Variants in ME3 observed in about 807,000 individuals in gnomAD.
ME3 encodes malic enzyme 3.
In ME3, 48 loss-of-function variants were observed where a neutral mutation model predicts 68.9. The ratio of observed to expected loss-of-function variants is 0.70; its 90% confidence interval spans 0.55 to 0.89. The LOEUF is 0.89. ME3 is among the 40% of genes least tolerant of loss of function. The probability of loss-of-function intolerance (pLI) is 0.00; values close to 1 mark genes in which losing one functional copy is unlikely to be tolerated. For missense variants in ME3, 675 were observed against 797.4 expected, an observed-to-expected ratio of 0.85 and a Z score of 1.85; for synonymous variants, 320 against 318.8, an observed-to-expected ratio of 1.00 and a Z score of -0.04.
chr11:86,478,214 T>G (rs1024710551), intron 7 of ME3, among the ~76,000 whole-genome samples: 53 of 148,940 alleles, frequency 3.6e-4, no homozygotes, highest in African/African-American at 1.3e-3. Flanking sequence ...TCATAGGCCC[T>G]GAGATAGGAA....
intron 2 of ME3, among the ~76,000 whole-genome samples, chr11:86,573,607 C>G (rs1213047724): frequency 2.0e-5 from 3 of 151,884 alleles, no homozygotes; most frequent in African/African-American, 7.3e-5. Flanking sequence ...CTCTTCCTAT[C>G]TGAATACACT....
chr11:86,514,293 T>G (rs187676388), intron 4 of ME3, among the ~76,000 whole-genome samples: 15 of 152,316 alleles, frequency 9.8e-5, no homozygotes, highest in Admixed American at 3.3e-4. Flanking sequence ...TATTTCTTTA[T>G]AGCAGCATGA....
chr11:86,492,758 A>G (rs1594166729), intron 6 of ME3, among the ~76,000 whole-genome samples: 1 of 152,208 alleles, frequency 6.6e-6, no homozygotes, highest in South Asian at 2.1e-4. Flanking sequence ...TTTTTCTTGG[A>G]GACAAAATGT....
At chr11:86,469,874 C>T (rs1177893704) in intron 7 of ME3, among the ~76,000 whole-genome samples, 1 of 150,756 alleles carries the variant, frequency 6.6e-6, no homozygotes, top group African/African-American at 2.4e-5. Flanking sequence ...CCCTCCAGTA[C>T]TCAGGCAAGG....
intron 10 of ME3, 68 bp from the exon 11 acceptor site, chr11:86,448,323 T>A (rs1949438968): frequency 2.5e-6 from 3 of 1,197,550 alleles, no homozygotes; most frequent in Non-Finnish European, 3.7e-6. Context: ...CAGATGCATT[T>A]GGAAACTCTG....
At chr11:86,462,486 T>G (rs956318613) in intron 8 of ME3, 1 of 902,104 alleles carries the variant, frequency 1.1e-6, no homozygotes, top group African/African-American at 1.8e-5. Flanking sequence ...CCACCTTTGT[T>G]CAAGGGTCAG....
chr11:86,573,632 T>A (rs1240979063), intron 2 of ME3, among the ~76,000 whole-genome samples: 1 of 151,968 alleles, frequency 6.6e-6, no homozygotes, highest in Non-Finnish European at 1.5e-5. Flanking sequence ...TTCTTTCTCT[T>A]GTCTGATTGC....
chr11:86,515,180 G>T (rs977776254), intron 4 of ME3, among the ~76,000 whole-genome samples: 9 of 152,110 alleles, frequency 5.9e-5, no homozygotes, highest in African/African-American at 2.2e-4. Context: ...CATGTTCCCC[G>T]CAAAAGCTAA....
At chr11:86,511,163 A>G (rs769935235) in intron 4 of ME3, among the ~76,000 whole-genome samples, 1 of 152,242 alleles carries the variant, frequency 6.6e-6, no homozygotes, top group Non-Finnish European at 1.5e-5. Flanking sequence ...TAATCTTGTA[A>G]CATCCACTCT....
chr11:86,669,889 C>T (rs751608162), intron 2 of ME3, among the ~76,000 whole-genome samples: 8 of 152,310 alleles, frequency 5.3e-5, no homozygotes, highest in Middle Eastern at 3.4e-3. Flanking sequence ...TGGTAACATG[C>T]CAGTAATTCT....
intron 2 of ME3, among the ~76,000 whole-genome samples, chr11:86,641,036 T>TGGG (rs34557683): frequency 4.2e-4 from 59 of 140,192 alleles, no homozygotes; most frequent in Middle Eastern, 7.5e-3. Context: ...TCAATTTCAC[T>TGGG]GGGGGGGGGG....
intron 8 of ME3, among the ~76,000 whole-genome samples, chr11:86,455,480 A>G (rs1007930553): frequency 1.2e-4 from 18 of 152,234 alleles, no homozygotes; most frequent in African/African-American, 3.9e-4. Flanking sequence ...CTTTTATAAA[A>G]CAGTTGTTCA....
intron 6 of ME3, among the ~76,000 whole-genome samples, chr11:86,491,963 C>G (rs1952036303): frequency 6.6e-6 from 1 of 152,214 alleles, no homozygotes; most frequent in African/African-American, 2.4e-5. Context: ...GCAGAGGAAT[C>G]TTCAAGTTTG....
intron 2 of ME3, among the ~76,000 whole-genome samples, chr11:86,665,606 T>C (rs1054936923): frequency 2.0e-5 from 3 of 152,158 alleles, no homozygotes; most frequent in African/African-American, 7.2e-5. Flanking sequence ...AAGAGTGACA[T>C]GTTGAAACTT....
At chr11:86,488,244 G>A (rs1416467428) in intron 6 of ME3, among the ~76,000 whole-genome samples, 1 of 152,286 alleles carries the variant, frequency 6.6e-6, no homozygotes, top group Non-Finnish European at 1.5e-5. Context: ...GGACAAAACT[G>A]TCACCGGTTG....
intron 4 of ME3, among the ~76,000 whole-genome samples, chr11:86,538,210 C>T (rs1271800140): frequency 1.3e-5 from 2 of 152,056 alleles, no homozygotes; most frequent in African/African-American, 2.4e-5. Flanking sequence ...TGAGTTTTAA[C>T]AATATAGGAT....
intron 2 of ME3, among the ~76,000 whole-genome samples, chr11:86,610,716 G>T (rs1295867799): frequency 2.0e-5 from 3 of 149,230 alleles, no homozygotes; most frequent in African/African-American, 7.4e-5. Flanking sequence ...GCAATAGGGG[G>T]TGGCGGGGGG....
intron 6 of ME3, among the ~76,000 whole-genome samples, chr11:86,496,251 C>T (rs1282804883): frequency 1.3e-5 from 2 of 152,036 alleles, no homozygotes; most frequent in East Asian, 1.9e-4. Flanking sequence ...ACTAAAAATA[C>T]AAAAATTAGC....
intron 4 of ME3, among the ~76,000 whole-genome samples, chr11:86,543,774 G>A (rs920936514): frequency 3.3e-5 from 5 of 152,242 alleles, no homozygotes; most frequent in Admixed American, 6.5e-5. Flanking sequence ...AGGATATTCC[G>A]AACTTGAACT....
Sources: allele counts gnomAD v4.1 joint callset (sites outside exome capture counted in the v4.1 genomes callset), GRCh38; gene constraint gnomAD v4.1.1; transcripts MANE v1.5; gene names NCBI Gene and HGNC (gene_info 2026-07-23, HGNC 2026-07-21).